RHOA: variants seen among roughly 807,000 people sequenced by gnomAD.
RHOA encodes the protein transforming protein RhoA.
A neutral mutation model predicts 17.5 loss-of-function variants in RHOA; 3 were observed. The observed-to-expected ratio is 0.17, with a 90% CI of 0.08 to 0.44. The LOEUF (loss-of-function observed/expected upper bound fraction) is 0.44. RHOA is among the 20% of genes least tolerant of loss of function. The pLI is 0.99. For synonymous variants in RHOA, 98 were observed against 88.4 expected (o/e 1.11, Z -0.61); for missense variants, 56 against 242.3 (o/e 0.23, Z 5.10).
chr3:49,376,644 CAAA>C (rs963176937), intron 1 of RHOA, among the ~76,000 whole-genome samples: 3 of 43,824 alleles, frequency 6.8e-5, no homozygotes, highest in African/African-American at 1.6e-4. Flanking sequence ...CTCCATCTCA[CAAA>C]AAAAAAAAAA....
intron 1 of RHOA, among the ~76,000 whole-genome samples, chr3:49,388,127 T>G (rs1285187439): frequency 6.6e-6 from 1 of 151,750 alleles, no homozygotes; most frequent in African/African-American, 2.4e-5. Flanking sequence ...CCACCTCAGC[T>G]TCCCGAGTAG....
chr3:49,390,787 A>G (rs1252258085), intron 1 of RHOA, among the ~76,000 whole-genome samples: 1 of 152,194 alleles, frequency 6.6e-6, no homozygotes, highest in Non-Finnish European at 1.5e-5. Context: ...GGATATTAAT[A>G]TAAAAGAGTA....
In RHOA at chr3:49,373,283, G is replaced by A. The variant is rs1362440350; in HGVS notation, c.156+2151C>T. ...TGCTTGAACTCAGGAGGCGGAGGTT[G>A]TTGTAAACCAAGATCATGCCATTGC... On this transcript the variant is annotated intron_variant, in intron 2 of 4. Coordinates refer to ENST00000418115, the MANE Select transcript of RHOA (RefSeq NM_001664.4). 2.9e-5 allele frequency: 7 copies of A among 242,608 alleles called. No homozygotes were observed. The Admixed American group carries it at 3.0e-4, about 10-fold the overall frequency. 15.0% of individuals were successfully genotyped at this position (242,608 alleles called of 1,614,324 possible).
At chr3:49,384,384 C>G (rs576313541) in intron 1 of RHOA, among the ~76,000 whole-genome samples, 1 of 152,154 alleles carries the variant, frequency 6.6e-6, no homozygotes, top group Non-Finnish European at 1.5e-5. Context: ...GTGTCATTTT[C>G]CAGGCTAGGT....
At chr3:49,380,861 C>CA (rs199676528) in intron 1 of RHOA, among the ~76,000 whole-genome samples, 2,354 of 151,754 alleles carry the variant, frequency 0.016, 37 homozygotes, top group Non-Finnish European at 0.024. Flanking sequence ...CAAAAAAACT[C>CA]AGAGGGCTGA....
At chr3:49,405,574 A>G (rs988918188) in intron 1 of RHOA, among the ~76,000 whole-genome samples, 14 of 152,252 alleles carry the variant, frequency 9.2e-5, no homozygotes, top group Admixed American at 2.6e-4. Context: ...CAAAGGAGAC[A>G]TACTACTGCC....
At chr3:49,396,959 G>C (rs571432127) in intron 1 of RHOA, among the ~76,000 whole-genome samples, 3 of 151,958 alleles carry the variant, frequency 2.0e-5, no homozygotes, top group Admixed American at 2.0e-4. Context: ...GTGAGAGCTT[G>C]TCTCTACAAA....
At chr3:49,400,844 G>C (rs923071065) in intron 1 of RHOA, among the ~76,000 whole-genome samples, 4 of 151,710 alleles carry the variant, frequency 2.6e-5, no homozygotes, top group African/African-American at 4.8e-5. Flanking sequence ...AGGAGATCAA[G>C]ACCATCCTGG....
chr3:49,398,484 G>C (rs1288246672), intron 1 of RHOA, among the ~76,000 whole-genome samples: 3 of 152,026 alleles, frequency 2.0e-5, no homozygotes, highest in Non-Finnish European at 4.4e-5. Flanking sequence ...AGCAGTGAAA[G>C]GGTAGGCAGT....
chr3:49,365,903 A>G (rs2048047440), intron 3 of RHOA, among the ~76,000 whole-genome samples: 1 of 152,028 alleles, frequency 6.6e-6, no homozygotes, highest in African/African-American at 2.4e-5. Flanking sequence ...AAAAATATAA[A>G]AATTAACCAA....
intron 1 of RHOA, among the ~76,000 whole-genome samples, chr3:49,394,013 G>A (rs2048570713): frequency 6.6e-6 from 1 of 151,858 alleles, no homozygotes; most frequent in Admixed American, 6.6e-5. Flanking sequence ...TAGGACTACA[G>A]GCACCCGCCA....
chr3:49,407,786 T>C (rs1390493048), intron 1 of RHOA, among the ~76,000 whole-genome samples: 1 of 152,188 alleles, frequency 6.6e-6, no homozygotes, highest in Non-Finnish European at 1.5e-5. Context: ...AACTTTTCCT[T>C]TCACTCCACT....
At position 49,393,727 on chromosome 3, in the gene RHOA, T is replaced by TGAGA. The variant is rs1439102234; in HGVS notation, c.-3+18092_-3+18093insTCTC. 6.0e-3 allele frequency among the ~76,000 whole-genome samples: 789 copies of TGAGA among 132,258 alleles called. 10 individuals are homozygous for TGAGA. The highest frequency in any genetic ancestry group is 6.4e-3 in the Non-Finnish European group (407 of 63,484). 86.8% of individuals were successfully genotyped at this position (132,258 alleles called of 152,430 possible). A position where few individuals can be genotyped will look rare whatever the true frequency, so the allele number is the denominator to read the frequency against. On this transcript the variant is annotated intron_variant, in intron 1 of 4. Coordinates refer to ENST00000418115, the MANE Select transcript of RHOA (RefSeq NM_001664.4). ...GTGTGTGTGTGTGTGTGTGTGTGTG[T>TGAGA]GTGACAGAATCTCGCTCTGTCGCCC...
At chr3:49,401,209 C>A (rs1481210586) in intron 1 of RHOA, among the ~76,000 whole-genome samples, 1 of 151,890 alleles carries the variant, frequency 6.6e-6, no homozygotes, top group Admixed American at 6.6e-5. Flanking sequence ...CAAACAAGAC[C>A]TACAAGTAAC....
intron 2 of RHOA, among the ~76,000 whole-genome samples, chr3:49,370,811 A>C (rs888423518): frequency 6.6e-6 from 1 of 152,148 alleles, no homozygotes; most frequent in African/African-American, 2.4e-5. Context: ...TTTGAGGCCC[A>C]AGAGGTCTCC....
intron 1 of RHOA, among the ~76,000 whole-genome samples, chr3:49,410,000 C>G (rs931483485): frequency 6.6e-6 from 1 of 152,144 alleles, no homozygotes; most frequent in Non-Finnish European, 1.5e-5. Context: ...CAGGGACCCT[C>G]GTACATTCAT....
intron 1 of RHOA, among the ~76,000 whole-genome samples, chr3:49,398,679 A>G: frequency 6.6e-6 from 1 of 150,636 alleles, no homozygotes; most frequent in Non-Finnish European, 1.5e-5. Context: ...AAAAAAAAAG[A>G]AATACAAAAA....
intron 4 of RHOA, among the ~76,000 whole-genome samples, chr3:49,362,102 G>A (rs533263475): frequency 1.6e-4 from 24 of 151,232 alleles, no homozygotes; most frequent in Middle Eastern, 7.0e-3. Context: ...CAGAAGAATC[G>A]CTTGAACCCC....
Position 49,362,642 on chromosome 3 carries a change from A to G in RHOA, c.278-16T>C. On this transcript the variant is annotated splice_polypyrimidine_tract_variant and intron_variant, in intron 3 of 4. Coordinates refer to ENST00000418115, the MANE Select transcript of RHOA (RefSeq NM_001664.4). The stretch of plus-strand genomic sequence containing the variant: ...GGGATGTTTTCTGAAAGAAAAATGT[A>G]GAGAATTTGGGGATACATACAATTC... 1 of 1,606,024 alleles carries G rather than the reference A, an allele frequency of 6.2e-7. No homozygotes were observed. The highest frequency in any genetic ancestry group is 8.5e-7 in the Non-Finnish European group (1 of 1,175,638).
Sources: allele counts gnomAD v4.1 joint callset (sites outside exome capture counted in the v4.1 genomes callset), GRCh38; gene constraint gnomAD v4.1.1; transcripts MANE v1.5; gene names NCBI Gene and HGNC (gene_info 2026-07-23, HGNC 2026-07-21).